Variants in COL22A1 observed in about 807,000 individuals in gnomAD.
COL22A1 encodes the protein collagen type XXII alpha 1 chain.
In COL22A1, 221 loss-of-function variants were observed where a neutral mutation model predicts 248.9. The observed-to-expected ratio is 0.89, with a 90% confidence interval of 0.80 to 0.99. The LOEUF is 0.99. Ranked by LOEUF, COL22A1 falls within the 50% of genes least tolerant of loss-of-function variation. The pLI is 0.00. For synonymous variants in COL22A1, 891 were observed against 793.4 expected (o/e 1.12, Z -2.07); for missense variants, 2,240 against 2,179.0 (o/e 1.03, Z -0.56).
At chr8:138,869,294 G>A (rs1019010890) in intron 3 of COL22A1, among the ~76,000 whole-genome samples, 8 of 152,172 alleles carry the variant, frequency 5.3e-5, no homozygotes, top group Non-Finnish European at 1.2e-4. Flanking sequence ...GCAAGAAACC[G>A]TACCCTGGAA....
intron 2 of COL22A1, among the ~76,000 whole-genome samples, chr8:138,881,829 G>A (rs1164560390): frequency 6.6e-6 from 1 of 152,190 alleles, no homozygotes; most frequent in Non-Finnish European, 1.5e-5. Flanking sequence ...ACCCCAGTGT[G>A]CAGGCTCTAT....
chr8:138,693,737 C>CCTCAGTGA (rs1173035581), intron 34 of COL22A1, 38 bp from the exon 35 acceptor site: 1 of 1,548,874 alleles, frequency 6.5e-7, no homozygotes, highest in African/African-American at 1.4e-5. Flanking sequence ...GGTAAGACAC[C>CCTCAGTGA]CTCAGTGATG....
chr8:138,792,668 A>G (rs1475235324), intron 12 of COL22A1, among the ~76,000 whole-genome samples: 1 of 152,184 alleles, frequency 6.6e-6, no homozygotes. Context: ...GTCTTTCTGA[A>G]GTTGCTTCAT....
At chr8:138,603,422 A>G (rs1030678434) in intron 59 of COL22A1, among the ~76,000 whole-genome samples, 2 of 152,212 alleles carry the variant, frequency 1.3e-5, no homozygotes, top group Non-Finnish European at 2.9e-5. Flanking sequence ...GGTGCGTGGA[A>G]GAGTGAGGAC....
chr8:138,610,379 A>C (rs576154274), intron 56 of COL22A1, among the ~76,000 whole-genome samples: 1 of 152,202 alleles, frequency 6.6e-6, no homozygotes, highest in Non-Finnish European at 1.5e-5. Flanking sequence ...CGCAATCATC[A>C]CAACTATTGA....
intron 47 of COL22A1, among the ~76,000 whole-genome samples, chr8:138,638,038 CTCA>C (rs777123831): frequency 8.0e-5 from 12 of 149,876 alleles, no homozygotes; most frequent in Admixed American, 4.7e-4. Flanking sequence ...CACCATCATC[CTCA>C]TCATCATCAT....
At chr8:138,776,984 T>TTTCCCA (rs1814522916) in intron 15 of COL22A1, among the ~76,000 whole-genome samples, 3 of 152,148 alleles carry the variant, frequency 2.0e-5, no homozygotes, top group Non-Finnish European at 4.4e-5. Context: ...GGTGAGGCAC[T>TTTCCCA]GGGGCCACCC....
Position 138,696,505 on chromosome 8 carries a change from A to G in COL22A1, c.2593-1626T>C, listed in dbSNP as rs117048137. 9.2e-5 allele frequency among the ~76,000 whole-genome samples: 14 copies of G among 152,326 alleles called. No individual in the cohort carries two copies. The East Asian group carries it at 2.5e-3, about 27-fold the overall frequency. ...AAATCAGCATAGAAAGACACTATCT[A>G]CTAAGGGTTTCATGCTACTTTCTCT... On this transcript the variant is annotated intron_variant, in intron 32 of 64. Coordinates refer to ENST00000303045, the MANE Select transcript of COL22A1 (RefSeq NM_152888.3).
chr8:138,790,573 A>G (rs1815945816), intron 12 of COL22A1, among the ~76,000 whole-genome samples: 1 of 152,196 alleles, frequency 6.6e-6, no homozygotes, highest in Non-Finnish European at 1.5e-5. Flanking sequence ...ACCTCCAAGC[A>G]ATCTTCTTAT....
chr8:138,805,062 ATGGTG>A (rs1817378594), intron 10 of COL22A1, among the ~76,000 whole-genome samples: 3 of 86,240 alleles, frequency 3.5e-5, no homozygotes, highest in African/African-American at 2.6e-4. Context: ...ATGGTGTGTG[ATGGTG>A]TGTGTGTGTG....
At chr8:138,818,838 T>G (rs573755239) in intron 7 of COL22A1, among the ~76,000 whole-genome samples, 5 of 152,338 alleles carry the variant, frequency 3.3e-5, no homozygotes, top group African/African-American at 1.2e-4. Context: ...ACATCTATTA[T>G]TTCATCCCCT....
intron 5 of COL22A1, among the ~76,000 whole-genome samples, chr8:138,832,739 G>A (rs1009024809): frequency 5.9e-5 from 9 of 152,172 alleles, no homozygotes; most frequent in African/African-American, 1.7e-4. Flanking sequence ...ATACCCGTTT[G>A]TTATTTCATG....
chr8:138,668,367 G>T (rs1824691190), intron 41 of COL22A1, among the ~76,000 whole-genome samples: 1 of 151,894 alleles, frequency 6.6e-6, no homozygotes. Flanking sequence ...TAGTATATTT[G>T]AATTTCTCCA....
intron 44 of COL22A1, 149 bp downstream of exon 44, chr8:138,660,287 C>G (rs1272721449): frequency 1.5e-6 from 1 of 659,382 alleles, no homozygotes; most frequent in East Asian, 2.7e-5. Flanking sequence ...ATCTCTGAGT[C>G]TCACAACATC....
intron 32 of COL22A1, among the ~76,000 whole-genome samples, chr8:138,699,616 C>T (rs1827790447): frequency 1.7e-5 from 2 of 116,154 alleles, no homozygotes; most frequent in Admixed American, 1.9e-4. Flanking sequence ...TGGAAGTAGC[C>T]AGCATCACTC....
chr8:138,635,430 G>A (rs117102790), intron 48 of COL22A1, among the ~76,000 whole-genome samples: 1,978 of 152,242 alleles, frequency 0.013, 23 homozygotes, highest in Middle Eastern at 0.024. Context: ...AGATATGCTT[G>A]AAGTGTTTCA....
intron 64 of COL22A1, 127 bp from the exon 65 acceptor site, chr8:138,589,567 A>G: frequency 2.8e-6 from 2 of 714,268 alleles, no homozygotes; most frequent in Middle Eastern, 4.0e-4. Context: ...GAGCATCCCC[A>G]TGGTCTGGGA....
intron 1 of COL22A1, among the ~76,000 whole-genome samples, chr8:138,892,672 G>T (rs1258285590): frequency 6.6e-6 from 1 of 152,234 alleles, no homozygotes; most frequent in Non-Finnish European, 1.5e-5. Context: ...AGTGAGCTGA[G>T]TTCCTTCCAC....
At chr8:138,826,933 T>C (rs186556181) in intron 5 of COL22A1, 152 bp from the exon 6 acceptor site, 2 of 944,622 alleles carry the variant, frequency 2.1e-6, no homozygotes, top group East Asian at 2.7e-5. Context: ...CTTCACTGCC[T>C]TCTCCTTAGG....
Sources: gnomAD v4.1 joint callset for allele counts (sites outside exome capture counted in the v4.1 genomes callset) on GRCh38, gnomAD v4.1.1 for gene constraint, MANE v1.5 for transcripts, NCBI Gene and HGNC (gene_info 2026-07-23, HGNC 2026-07-21) for gene names.